VTA1: variants seen among roughly 807,000 people sequenced by gnomAD.
The protein encoded by VTA1 is vacuolar protein sorting-associated protein VTA1 homolog.
In VTA1, 24 loss-of-function variants were observed where a neutral mutation model predicts 36.9. The observed-to-expected ratio is 0.65, with a 90% CI of 0.47 to 0.91. The LOEUF is 0.91. Among genes scored for constraint, VTA1 ranks in the 40% least tolerant of loss-of-function variants. The pLI is 0.00. For missense variants in VTA1, 393 were observed against 377.2 expected, an observed-to-expected ratio of 1.04 and a Z score of -0.35; for synonymous variants, 142 against 130.2, an observed-to-expected ratio of 1.09 and a Z score of -0.62.
intron 1 of VTA1, among the ~76,000 whole-genome samples, chr6:142,156,659 T>C (rs913873839): frequency 3.3e-5 from 5 of 152,200 alleles, no homozygotes; most frequent in African/African-American, 1.2e-4. Context: ...GTAAAGTTAA[T>C]AAACTTCCAG....
intron 5 of VTA1, among the ~76,000 whole-genome samples, chr6:142,196,115 T>A (rs1417273860): frequency 6.6e-6 from 1 of 152,204 alleles, no homozygotes; most frequent in Non-Finnish European, 1.5e-5. Flanking sequence ...ACCTTTATAG[T>A]TATTTTTTAT....
At chr6:142,169,074 A>T (rs11758623) in intron 2 of VTA1, among the ~76,000 whole-genome samples, 25,165 of 151,902 alleles carry the variant, frequency 0.17, 2,709 homozygotes, top group Non-Finnish European at 0.23. Context: ...CGGCCGAGAG[A>T]TATTATTTTA....
intron 1 of VTA1, among the ~76,000 whole-genome samples, chr6:142,148,799 A>C (rs539037809): frequency 2.6e-4 from 40 of 152,186 alleles, no homozygotes; most frequent in Non-Finnish European, 4.0e-4. Flanking sequence ...GAAATAAAAG[A>C]GTGAAAGGCA....
In VTA1 at chr6:142,220,490, C is replaced by A. The variant is rs1390643351; in HGVS notation, c.*1847C>A. On this transcript the variant is annotated 3_prime_UTR_variant, in exon 8 of 8. Transcript: ENST00000367630. Reference sequence around the variant, plus strand: ...CTTCTCTGTAAAATGGAAATGACACCACTAGCCATCTCAATAGTTACAAGA... The same window carrying A: ...CTTCTCTGTAAAATGGAAATGACACAACTAGCCATCTCAATAGTTACAAGA... 3 of 152,110 alleles carry A rather than the reference C, an allele frequency of 2.0e-5. No individual in the cohort carries two copies. Among genetic ancestry groups the A allele is most frequent in the Non-Finnish European group, 4.4e-5 (3 of 68,036 alleles). 9.4% of individuals were successfully genotyped at this position (152,110 alleles called of 1,614,324 possible). A position where few individuals can be genotyped will look rare whatever the true frequency, so the allele number is the denominator to read the frequency against.
At chr6:142,182,287 G>A (rs1269270727) in intron 4 of VTA1, among the ~76,000 whole-genome samples, 1 of 152,170 alleles carries the variant, frequency 6.6e-6, no homozygotes, top group Non-Finnish European at 1.5e-5. Flanking sequence ...ATAACAAGGA[G>A]AACAATGTGG....
chr6:142,181,094 A>ATATATATATATATATATATATATAT (rs1554219841), intron 4 of VTA1, among the ~76,000 whole-genome samples: 6 of 36,432 alleles, frequency 1.6e-4, no homozygotes, highest in Non-Finnish European at 2.9e-4. Flanking sequence ...AAAAAAAAAA[A>ATATATATATATATATATATATATAT]ATATATATAT....
At chr6:142,205,693 G>A (rs1314729366) in intron 7 of VTA1, among the ~76,000 whole-genome samples, 1 of 151,990 alleles carries the variant, frequency 6.6e-6, no homozygotes, top group Admixed American at 6.6e-5. Context: ...ATAGGAAATT[G>A]GAGAACTCCC....
At chr6:142,164,255 G>A (rs1225095924) in intron 1 of VTA1, among the ~76,000 whole-genome samples, 4 of 152,106 alleles carry the variant, frequency 2.6e-5, no homozygotes, top group Admixed American at 2.0e-4. Context: ...GATAACATTT[G>A]ATCTGAGATC....
chr6:142,180,788 G>A (rs970890908), intron 4 of VTA1, among the ~76,000 whole-genome samples: 2 of 151,866 alleles, frequency 1.3e-5, no homozygotes, highest in African/African-American at 2.4e-5. Flanking sequence ...TAACCCGAAC[G>A]TAATCATGAG....
rs1318609162 is a variant in VTA1 at position 142,220,125 on chromosome 6, C to T, written c.*1482C>T. 6.6e-6 allele frequency: 1 copy of T among 152,150 alleles called. No homozygotes were observed. The highest frequency in any genetic ancestry group is 6.6e-5 in the Admixed American group (1 of 15,264). 9.4% of individuals were successfully genotyped at this position (152,150 alleles called of 1,614,324 possible). A position where few individuals can be genotyped will look rare whatever the true frequency, so the allele number is the denominator to read the frequency against. On this transcript the variant is annotated 3_prime_UTR_variant, in exon 8 of 8. Transcript: ENST00000367630. ...GACTGACTAAACTGTTCTAAATCCT[C>T]ACAAAAAAGTCCCCAAACAACATGC...
chr6:142,216,293 C>T (rs990876278), intron 7 of VTA1, among the ~76,000 whole-genome samples: 11 of 152,024 alleles, frequency 7.2e-5, no homozygotes, highest in Non-Finnish European at 1.6e-4. Flanking sequence ...TTTAAAGACT[C>T]ATAATTAGGT....
intron 2 of VTA1, among the ~76,000 whole-genome samples, chr6:142,168,987 T>C (rs2114644433): frequency 6.6e-6 from 1 of 151,950 alleles, no homozygotes; most frequent in South Asian, 2.1e-4. Context: ...GCCAGAATGG[T>C]CTCGATCTCC....
intron 5 of VTA1, among the ~76,000 whole-genome samples, chr6:142,192,369 TTACTTAGA>T (rs1373451243): frequency 6.6e-6 from 1 of 152,106 alleles, no homozygotes; most frequent in East Asian, 1.9e-4. Context: ...AATGCATTTT[TTACTTAGA>T]TTTTTGACTT....
At chr6:142,150,937 T>C (rs1214201000) in intron 1 of VTA1, among the ~76,000 whole-genome samples, 1 of 148,532 alleles carries the variant, frequency 6.7e-6, no homozygotes, top group African/African-American at 2.5e-5. Flanking sequence ...AAGCTAAGCA[T>C]GAAAGGTTCC....
chr6:142,155,029 A>G (rs1414336151), intron 1 of VTA1, among the ~76,000 whole-genome samples: 2 of 152,160 alleles, frequency 1.3e-5, no homozygotes, highest in Non-Finnish European at 2.9e-5. Flanking sequence ...TTCCATTAGA[A>G]AAATATTTTC....
rs1472008889 is a variant in VTA1 at position 142,189,550 on chromosome 6, T to C, written c.520+16T>C. On this transcript the variant is annotated intron_variant, in intron 5 of 7. Coordinates refer to ENST00000367630, the MANE Select transcript of VTA1 (RefSeq NM_016485.5). ...GAAGATAATGGTATGTATTTATTTATTCTGAGTAAAAGGACTTAGTAGAAT... is the reference window on the plus strand; with the variant it reads ...GAAGATAATGGTATGTATTTATTTACTCTGAGTAAAAGGACTTAGTAGAAT... The C allele has an allele frequency of 1.1e-5, 13 of 1,194,878 alleles. No individual in the cohort carries two copies. Among genetic ancestry groups the C allele is most frequent in the Non-Finnish European group, 1.5e-5 (12 of 817,816 alleles). The allele number at this position is 1,194,878 out of a possible 1,614,324, so 74.0% of individuals were successfully genotyped here.
chr6:142,199,754 G>A (rs973347620), intron 6 of VTA1, among the ~76,000 whole-genome samples: 2 of 151,922 alleles, frequency 1.3e-5, no homozygotes, highest in Non-Finnish European at 2.9e-5. Flanking sequence ...GATAATTTTA[G>A]CACTGATCTT....
At chr6:142,168,494 A>G (rs1421658457) in intron 2 of VTA1, among the ~76,000 whole-genome samples, 1 of 151,824 alleles carries the variant, frequency 6.6e-6, no homozygotes, top group Non-Finnish European at 1.5e-5. Context: ...CAGATCTGAT[A>G]CTCCAGAGAG....
chr6:142,197,468 A>T (rs1165586490), intron 5 of VTA1, among the ~76,000 whole-genome samples: 4 of 152,150 alleles, frequency 2.6e-5, no homozygotes, highest in African/African-American at 7.2e-5. Context: ...TTTATACTCA[A>T]AATTCAGTTT....
Sources: allele counts gnomAD v4.1 joint callset (sites outside exome capture counted in the v4.1 genomes callset), GRCh38; gene constraint gnomAD v4.1.1; transcripts MANE v1.5; gene names NCBI Gene and HGNC (gene_info 2026-07-23, HGNC 2026-07-21).